TNNI3K: variants seen among roughly 807,000 people sequenced by gnomAD.
TNNI3K encodes TNNI3 interacting kinase.
A neutral mutation model predicts 114.5 loss-of-function variants in TNNI3K; 140 were observed. The observed-to-expected ratio is 1.22, with a 90% CI of 1.07 to 1.41. The LOEUF is 1.41. Ranked by LOEUF, TNNI3K falls within the 40% of genes most tolerant of loss-of-function variation. The probability of loss-of-function intolerance (pLI) is 0.00; values close to 1 mark genes in which losing one functional copy is unlikely to be tolerated. For missense variants in TNNI3K, 1,125 were observed against 1,007.6 expected, an observed-to-expected ratio of 1.12 and a Z score of -1.58; for synonymous variants, 347 against 347.5, an observed-to-expected ratio of 1.00 and a Z score of 0.02.
At chr1:74,468,487 A>G (rs1271411027) in intron 21 of TNNI3K, 1 of 152,150 alleles carries the variant, frequency 6.6e-6, no homozygotes, top group Admixed American at 6.6e-5. Flanking sequence ...CAGAAATACC[A>G]GAGGAATTAG....
intron 7 of TNNI3K, among the ~76,000 whole-genome samples, chr1:74,342,328 GCTT>G (rs1029965547): frequency 6.6e-6 from 1 of 152,100 alleles, no homozygotes; most frequent in African/African-American, 2.4e-5. Flanking sequence ...ATGATACCAT[GCTT>G]TGCATACTGT....
At chr1:74,426,249 A>C (rs539708755) in intron 17 of TNNI3K, among the ~76,000 whole-genome samples, 1 of 152,206 alleles carries the variant, frequency 6.6e-6, no homozygotes, top group African/African-American at 2.4e-5. Flanking sequence ...AGCTGCAAAC[A>C]AATTCCCCTG....
Position 74,282,688 on chromosome 1 carries a change from G to C in TNNI3K, c.444+10980G>C, listed in dbSNP as rs79285233. 2.0e-3 allele frequency among the ~76,000 whole-genome samples: 302 copies of C among 152,214 alleles called. 1 individual carries two copies. The highest frequency in any genetic ancestry group is 6.8e-3 in the Middle Eastern group (2 of 292). On this transcript the variant is annotated intron_variant, in intron 5 of 24. Transcript: ENST00000326637. ...CAGATTTTGAAATAAATGTCATGTT[G>C]AATCTGTAAAAATAATTTGGAAGCT...
At chr1:74,442,771 C>A (rs556764407) in intron 20 of TNNI3K, among the ~76,000 whole-genome samples, 1 of 152,194 alleles carries the variant, frequency 6.6e-6, no homozygotes, top group Admixed American at 6.5e-5. Flanking sequence ...AAGTAAAACA[C>A]TCCTAAGCCA....
intron 21 of TNNI3K, chr1:74,470,444 C>G: frequency 2.5e-6 from 1 of 400,650 alleles, no homozygotes; most frequent in Non-Finnish European, 4.4e-6. Context: ...TTTGTGCTGT[C>G]AATTCCTTTT....
At chr1:74,459,305 G>A (rs1333083684) in intron 20 of TNNI3K, among the ~76,000 whole-genome samples, 2 of 152,200 alleles carry the variant, frequency 1.3e-5, no homozygotes, top group Non-Finnish European at 1.5e-5. Flanking sequence ...AAAAGACACA[G>A]TCCCTGACCT....
intron 5 of TNNI3K, among the ~76,000 whole-genome samples, chr1:74,296,696 T>A (rs1053490164): frequency 2.6e-5 from 4 of 152,202 alleles, no homozygotes; most frequent in African/African-American, 7.2e-5. Flanking sequence ...TTTTTAGTGG[T>A]TACTGAATTC....
chr1:74,460,510 G>T (rs1356097989), intron 20 of TNNI3K, among the ~76,000 whole-genome samples: 1 of 152,136 alleles, frequency 6.6e-6, no homozygotes, highest in Non-Finnish European at 1.5e-5. Context: ...CTCCTTTAAT[G>T]GCAAAGTCTC....
chr1:74,365,706 G>T (rs959853174), intron 11 of TNNI3K, among the ~76,000 whole-genome samples: 2 of 151,984 alleles, frequency 1.3e-5, no homozygotes, highest in Non-Finnish European at 2.9e-5. Flanking sequence ...AAATTAGTTT[G>T]TTGGCTAATG....
intron 5 of TNNI3K, among the ~76,000 whole-genome samples, chr1:74,299,154 T>C (rs558937408): frequency 2.6e-5 from 4 of 152,270 alleles, no homozygotes; most frequent in African/African-American, 9.6e-5. Flanking sequence ...ATTGATTTCA[T>C]GAAATATGTC....
chr1:74,236,414 A>G (rs1470797527), intron 2 of TNNI3K, among the ~76,000 whole-genome samples: 1 of 151,782 alleles, frequency 6.6e-6, no homozygotes, highest in Admixed American at 6.6e-5. Context: ...CTTAAAATAT[A>G]AATTGTAATC....
chr1:74,389,218 G>T (rs1196387848), intron 17 of TNNI3K, among the ~76,000 whole-genome samples: 1 of 152,160 alleles, frequency 6.6e-6, no homozygotes, highest in Non-Finnish European at 1.5e-5. Context: ...GAAAGCAAAG[G>T]AATCTAAAGA....
At chr1:74,295,019 T>A (rs1437507067) in intron 5 of TNNI3K, among the ~76,000 whole-genome samples, 2 of 152,048 alleles carry the variant, frequency 1.3e-5, no homozygotes, top group African/African-American at 2.4e-5. Flanking sequence ...TTTAAGACTA[T>A]AGTTTTTCAT....
intron 5 of TNNI3K, among the ~76,000 whole-genome samples, chr1:74,283,575 G>T (rs1657143392): frequency 6.6e-6 from 1 of 152,120 alleles, no homozygotes; most frequent in South Asian, 2.1e-4. Context: ...TAAATGAGAT[G>T]TTCATCAGCT....
chr1:74,330,952 T>C (rs1206921111), intron 5 of TNNI3K, among the ~76,000 whole-genome samples: 1 of 152,106 alleles, frequency 6.6e-6, no homozygotes, highest in Non-Finnish European at 1.5e-5. Flanking sequence ...AATAGAAAAA[T>C]GTTCTAAATT....
At chr1:74,381,607 A>G (rs1485411895) in intron 17 of TNNI3K, among the ~76,000 whole-genome samples, 1 of 152,046 alleles carries the variant, frequency 6.6e-6, no homozygotes, top group East Asian at 1.9e-4. Context: ...ATCTCTTTCT[A>G]TAGAGAAGGT....
At chr1:74,321,680 C>A (rs484016) in intron 5 of TNNI3K, among the ~76,000 whole-genome samples, 12,150 of 151,784 alleles carry the variant, frequency 0.08, 723 homozygotes, top group African/African-American at 0.16. Context: ...CTTTTAATTT[C>A]TTTTATGATA....
chr1:74,266,738 T>C (rs1018950945), intron 4 of TNNI3K, among the ~76,000 whole-genome samples: 3 of 151,996 alleles, frequency 2.0e-5, no homozygotes, highest in Non-Finnish European at 2.9e-5. Flanking sequence ...GCTTTATCCA[T>C]AGCAATAATC....
At chr1:74,339,278 A>G (rs1660634867) in intron 7 of TNNI3K, among the ~76,000 whole-genome samples, 1 of 152,172 alleles carries the variant, frequency 6.6e-6, no homozygotes, top group Admixed American at 6.6e-5. Context: ...TATAAAGTCA[A>G]GAGACGGCGT....
Sources: allele counts gnomAD v4.1 joint callset (sites outside exome capture counted in the v4.1 genomes callset), GRCh38; gene constraint gnomAD v4.1.1; transcripts MANE v1.5; gene names NCBI Gene and HGNC (gene_info 2026-07-23, HGNC 2026-07-21).